Variants in ITGB3 observed in about 807,000 individuals in gnomAD.
ITGB3 encodes the protein integrin subunit beta 3, also known as integrin beta-3.
A neutral mutation model predicts 85.8 loss-of-function variants in ITGB3; 48 were observed. The observed-to-expected ratio is 0.56, with a 90% CI of 0.44 to 0.71. The LOEUF (loss-of-function observed/expected upper bound fraction) is 0.71, where lower values mean the gene tolerates loss of function less well. ITGB3 is among the 30% of genes least tolerant of loss of function. The probability of loss-of-function intolerance (pLI) is 0.00; values close to 1 mark genes in which losing one functional copy is unlikely to be tolerated. For missense variants in ITGB3, 861 were observed against 1,019.1 expected, an observed-to-expected ratio of 0.84 and a Z score of 2.11; for synonymous variants, 363 against 395.6, an observed-to-expected ratio of 0.92 and a Z score of 0.98.
intron 1 of ITGB3, among the ~76,000 whole-genome samples, chr17:47,254,922 C>T (rs1289898452): frequency 6.8e-6 from 1 of 147,906 alleles, no homozygotes; most frequent in Non-Finnish European, 1.5e-5. Context: ...CTGTAGTACT[C>T]GTAAAACAAT....
intron 2 of ITGB3, among the ~76,000 whole-genome samples, chr17:47,276,063 GGGGCCTT>G (rs895245124): frequency 1.3e-5 from 2 of 152,164 alleles, no homozygotes; most frequent in African/African-American, 4.8e-5. Context: ...AATGGGGAGG[GGGGCCTT>G]GGGTAGCCGA....
chr17:47,299,313 G>A lies in ITGB3; in HGVS notation c.1696G>A (p.Gly566Ser). 1 of 1,613,924 alleles carries A rather than the reference G, an allele frequency of 6.2e-7. No homozygotes were observed. Among genetic ancestry groups the A allele is most frequent in the Non-Finnish European group, 8.5e-7 (1 of 1,180,032 alleles). Residue 566 changes from glycine to serine, a missense_variant, in exon 11 of 15, where the codon GGC becomes AGC. Coordinates refer to ENST00000559488, the MANE Select transcript of ITGB3 (RefSeq NM_000212.3). This position sits in a 1 kb window ranked among gnomAD's most constrained non-coding sequence, Gnocchi z 5.1. ...RYKGEMCSGH[G>S]QCSCGDCLCD... is the part of the protein sequence containing the mutation. ...CCTGGGCTGTGTGTTTTCAGGCCATGGCCAGTGCAGCTGTGGGGACTGCCT... is the reference window on the plus strand; with the variant it reads ...CCTGGGCTGTGTGTTTTCAGGCCATAGCCAGTGCAGCTGTGGGGACTGCCT...
intron 5 of ITGB3, among the ~76,000 whole-genome samples, chr17:47,286,809 A>T (rs905503580): frequency 1.3e-5 from 2 of 152,208 alleles, no homozygotes; most frequent in African/African-American, 2.4e-5. Flanking sequence ...TCATTAGAAG[A>T]GTTAAGTTTG....
chr17:47,255,413 G>A (rs1205628956), intron 1 of ITGB3, among the ~76,000 whole-genome samples: 1 of 151,900 alleles, frequency 6.6e-6, no homozygotes, highest in Non-Finnish European at 1.5e-5. Flanking sequence ...ACAGGGCAAG[G>A]ATATCTTTTT....
At position 47,284,719 on chromosome 17, in the gene ITGB3, G is replaced by A. The variant is rs773197701; in HGVS notation, c.614+24G>A. The A allele has an allele frequency of 1.9e-6, 3 of 1,614,098 alleles. No homozygotes were observed. In the South Asian group the frequency reaches 3.3e-5, roughly 18 times the overall value. On this transcript the variant is annotated intron_variant, in intron 4 of 14. Coordinates refer to ENST00000559488, the MANE Select transcript of ITGB3 (RefSeq NM_000212.3). ...GAGTAAGTCCCTCCTCCAGACGCCA[G>A]GACAGCATCCTTTGCCCCAGGAAGG...
At chr17:47,272,510 T>C (rs1157968966) in intron 1 of ITGB3, among the ~76,000 whole-genome samples, 2 of 152,156 alleles carry the variant, frequency 1.3e-5, no homozygotes, top group African/African-American at 2.4e-5. Context: ...TCTTACAGTA[T>C]TGTAAAATAT....
chr17:47,289,505 T>C (rs1049625122), intron 6 of ITGB3, among the ~76,000 whole-genome samples, 176 bp from the exon 7 acceptor site: 2 of 152,134 alleles, frequency 1.3e-5, no homozygotes, highest in African/African-American at 4.8e-5. Flanking sequence ...AAAATTTTTT[T>C]GTAGAGATGG....
intron 3 of ITGB3, 140 bp downstream of exon 3, chr17:47,283,689 G>T: frequency 1.2e-6 from 1 of 804,078 alleles, no homozygotes; most frequent in Non-Finnish European, 2.1e-6. Flanking sequence ...GGGAGGTGTG[G>T]GCAAGAGAAT....
intron 1 of ITGB3, among the ~76,000 whole-genome samples, chr17:47,266,577 A>AT (rs1298740437): frequency 1.3e-5 from 2 of 151,922 alleles, no homozygotes; most frequent in Non-Finnish European, 2.9e-5. Context: ...TAAAATTGTT[A>AT]TTTTCAAAAA....
intron 1 of ITGB3, among the ~76,000 whole-genome samples, chr17:47,273,841 T>C (rs554566047): frequency 6.6e-6 from 1 of 152,354 alleles, no homozygotes; most frequent in South Asian, 2.1e-4. Context: ...GAGCATTTTG[T>C]GGTTGGATTC....
At position 47,299,955 on chromosome 17, in the gene ITGB3, G is replaced by A. The variant is rs756103188; in HGVS notation, c.1913+425G>A. Among the ~76,000 whole-genome samples the A allele has an allele frequency of 6.6e-5, 10 of 152,106 alleles. No individual in the cohort carries two copies. The highest frequency in any genetic ancestry group is 1.3e-4 in the Non-Finnish European group (9 of 67,962). On this transcript the variant is annotated intron_variant, in intron 11 of 14. Transcript: ENST00000559488. The surrounding 1 kb of genome is among the most constrained non-coding windows in gnomAD (Gnocchi z 5.1). ...CCCATCAGCCTGAGTCCATGGCACT[G>A]CCATTCTGCTTACCACTTTAAGCAG... is the stretch of plus-strand genomic sequence containing the variant.
chr17:47,266,443 C>G (rs1311323744), intron 1 of ITGB3, among the ~76,000 whole-genome samples: 4 of 152,188 alleles, frequency 2.6e-5, no homozygotes, highest in Non-Finnish European at 4.4e-5. Flanking sequence ...CCCTTGTTTC[C>G]TTTGTTCTTC....
chr17:47,257,019 C>G (rs1158767155), intron 1 of ITGB3, among the ~76,000 whole-genome samples: 1 of 152,158 alleles, frequency 6.6e-6, no homozygotes, highest in Non-Finnish European at 1.5e-5. Context: ...AATAAGTTAC[C>G]TAATCTCTTG....
At chr17:47,265,038 G>T (rs1458388463) in intron 1 of ITGB3, among the ~76,000 whole-genome samples, 1 of 152,192 alleles carries the variant, frequency 6.6e-6, no homozygotes, top group Admixed American at 6.5e-5. Context: ...GCCTGGCACA[G>T]GTAGATGCTC....
chr17:47,255,496 A>G (rs1157779917), intron 1 of ITGB3, among the ~76,000 whole-genome samples: 3 of 151,832 alleles, frequency 2.0e-5, no homozygotes, highest in African/African-American at 7.3e-5. Flanking sequence ...ATTTCAGCTC[A>G]CTGCAACCTC....
intron 2 of ITGB3, among the ~76,000 whole-genome samples, chr17:47,276,979 C>T (rs1372182901): frequency 6.6e-6 from 1 of 152,080 alleles, no homozygotes; most frequent in East Asian, 1.9e-4. Context: ...TGGTTGGGCT[C>T]GGCTTTCCCC....
In ITGB3 at chr17:47,299,661, T is replaced by G; in HGVS notation, c.1913+131T>G. The G allele has an allele frequency of 1.1e-6, 1 of 875,344 alleles. No individual in the cohort carries two copies. The highest frequency in any genetic ancestry group is 2.0e-5 in the Admixed American group (1 of 49,646). 54.2% of individuals were successfully genotyped at this position (875,344 alleles called of 1,614,324 possible). On this transcript the variant is annotated intron_variant, in intron 11 of 14. Coordinates refer to ENST00000559488, the MANE Select transcript of ITGB3 (RefSeq NM_000212.3). This position sits in a 1 kb window ranked among gnomAD's most constrained non-coding sequence, Gnocchi z 5.1. ...GGGAGAGGAGTCCACTCCAGCCAGATGGCTGTCTCTCCTTTTGCCAAAGGC... is the reference window on the plus strand; with the variant it reads ...GGGAGAGGAGTCCACTCCAGCCAGAGGGCTGTCTCTCCTTTTGCCAAAGGC...
intron 1 of ITGB3, among the ~76,000 whole-genome samples, 171 bp downstream of exon 1, chr17:47,254,111 C>A (rs541859433): frequency 1.7e-3 from 259 of 152,266 alleles, no homozygotes; most frequent in African/African-American, 5.9e-3. Context: ...CCTTCCTGGC[C>A]CGGCGGTGGC....
At position 47,299,460 on chromosome 17, in the gene ITGB3, A is replaced by T. The variant is rs768771257; in HGVS notation, c.1843A>T (p.Ile615Phe). The T allele has an allele frequency of 6.2e-7, 1 of 1,614,258 alleles. No homozygotes were observed. The highest frequency in any genetic ancestry group is 1.1e-5 in the South Asian group (1 of 91,086). Residue 615 changes from isoleucine to phenylalanine, a missense_variant, in exon 11 of 15, where the codon ATC becomes TTC. Ile to Phe is a conservative substitution (Grantham distance 21). Coordinates refer to ENST00000559488, the MANE Select transcript of ITGB3 (RefSeq NM_000212.3). This position sits in a 1 kb window ranked among gnomAD's most constrained non-coding sequence, Gnocchi z 5.1. ...GTGTGAATGTGGCAGCTGTGTCTGT[A>T]TCCAGCCGGGCTCCTATGGGGACAC... ...GKCECGSCVC[I>F]QPGSYGDTCE...
Sources: gnomAD v4.1 joint callset for allele counts (sites outside exome capture counted in the v4.1 genomes callset) on GRCh38, gnomAD v4.1.1 for gene constraint, Gnocchi (gnomAD v3.1) non-coding constraint, MANE v1.5 for transcripts, NCBI Gene and HGNC (gene_info 2026-07-23, HGNC 2026-07-21) for gene names.